EIF4G3: variants seen among roughly 807,000 people sequenced by gnomAD.
EIF4G3 encodes the protein eukaryotic translation initiation factor 4 gamma 3.
EIF4G3 carries 34 observed loss-of-function variants against 186.4 expected under a neutral mutation model. The ratio of observed to expected loss-of-function variants is 0.18; its 90% CI spans 0.14 to 0.24. The LOEUF is 0.24. Ranked by LOEUF, EIF4G3 falls within the 10% of genes least tolerant of loss-of-function variation. The pLI is 1.00. For missense variants in EIF4G3, 1,536 were observed against 1,948.5 expected, an observed-to-expected ratio of 0.79 and a Z score of 3.99; for synonymous variants, 673 against 679.5, an observed-to-expected ratio of 0.99 and a Z score of 0.15.
intron 34 of EIF4G3, among the ~76,000 whole-genome samples, chr1:20,814,589 C>T (rs1322030009): frequency 6.6e-6 from 1 of 152,118 alleles, no homozygotes; most frequent in African/African-American, 2.4e-5. Flanking sequence ...ACTATTTTTA[C>T]ATGTGCCAAC....
At chr1:20,994,322 G>A (rs2081796619) in intron 7 of EIF4G3, among the ~76,000 whole-genome samples, 1 of 152,082 alleles carries the variant, frequency 6.6e-6, no homozygotes, top group South Asian at 2.1e-4. Flanking sequence ...AGTTAGCCCT[G>A]CTCAGCTATG....
chr1:21,110,501 C>T (rs1009730602), intron 2 of EIF4G3, among the ~76,000 whole-genome samples: 3 of 152,022 alleles, frequency 2.0e-5, no homozygotes, highest in African/African-American at 7.2e-5. Flanking sequence ...CACCATGTTA[C>T]CCAGCCTGAT....
At chr1:21,035,927 A>G (rs1456410939) in intron 4 of EIF4G3, among the ~76,000 whole-genome samples, 4 of 152,158 alleles carry the variant, frequency 2.6e-5, no homozygotes, top group African/African-American at 9.7e-5. Context: ...GGCCCATAAA[A>G]GCCTCAGGCT....
At chr1:21,133,776 C>T (rs1009968882) in intron 2 of EIF4G3, among the ~76,000 whole-genome samples, 1 of 152,158 alleles carries the variant, frequency 6.6e-6, no homozygotes, top group African/African-American at 2.4e-5. Flanking sequence ...ATATCTGATA[C>T]ACTAAGACAG....
At chr1:20,871,725 A>G (rs1469626874) in intron 20 of EIF4G3, among the ~76,000 whole-genome samples, 1 of 152,168 alleles carries the variant, frequency 6.6e-6, no homozygotes, top group Non-Finnish European at 1.5e-5. Flanking sequence ...TGAAACACAT[A>G]CTAACAGCTC....
intron 2 of EIF4G3, among the ~76,000 whole-genome samples, chr1:21,110,012 T>C (rs2096692235): frequency 6.6e-6 from 1 of 152,160 alleles, no homozygotes; most frequent in Non-Finnish European, 1.5e-5. Flanking sequence ...GGTCTCAAAC[T>C]CTTGACCTCA....
chr1:20,962,765 G>GT (rs1184050988), intron 12 of EIF4G3, among the ~76,000 whole-genome samples: 1 of 152,152 alleles, frequency 6.6e-6, no homozygotes, highest in African/African-American at 2.4e-5. Flanking sequence ...GATGATTAGT[G>GT]TCACAGGGTA....
Position 21,108,769 on chromosome 1 carries a change from G to A in EIF4G3, c.-271-19556C>T, listed in dbSNP as rs551628368. On this transcript the variant is annotated intron_variant, in intron 2 of 36. Transcript: ENST00000602326. ...AATACAAAAATTAGCTGGGTGTGGT[G>A]ACACATGCCTGTAATCCCAGCTACT... is the stretch of plus-strand genomic sequence containing the variant. Among the ~76,000 whole-genome samples, 120 of 152,066 alleles carry A rather than the reference G, an allele frequency of 7.9e-4. 1 individual carries two copies. Among genetic ancestry groups the A allele is most frequent in the African/African-American group, 2.6e-3 (106 of 41,476 alleles).
intron 24 of EIF4G3, among the ~76,000 whole-genome samples, chr1:20,859,875 G>C (rs913550471): frequency 1.3e-5 from 2 of 152,208 alleles, no homozygotes; most frequent in South Asian, 4.1e-4. Context: ...TTACAGGCAT[G>C]AGCCACTGCG....
chr1:20,968,377 A>C (rs903849281), intron 12 of EIF4G3, among the ~76,000 whole-genome samples: 6 of 152,032 alleles, frequency 3.9e-5, no homozygotes. Flanking sequence ...ATGGGGTTTC[A>C]CCATGTTGGC....
rs556165183 is a variant in EIF4G3, at chr1:20,974,794, T to C, written c.494-1695A>G. On this transcript the variant is annotated intron_variant, in intron 10 of 36. Coordinates refer to ENST00000602326, the MANE Select transcript of EIF4G3 (RefSeq NM_001391906.1). ...GGGAAAGAAAGAATTGCTAGAGTAA[T>C]AGCCTTAAATGGGTACAGGATGGGA... is the stretch of plus-strand genomic sequence containing the variant. 2.6e-5 allele frequency among the ~76,000 whole-genome samples: 4 copies of C among 152,218 alleles called. No homozygotes were observed. In the East Asian group the frequency reaches 7.7e-4, roughly 29 times the overall value.
intron 14 of EIF4G3, among the ~76,000 whole-genome samples, chr1:20,922,674 T>A (rs1007742169): frequency 1.3e-5 from 2 of 152,260 alleles, no homozygotes; most frequent in Non-Finnish European, 2.9e-5. Context: ...GGCTTTTACC[T>A]TTTGGTCAAC....
intron 7 of EIF4G3, among the ~76,000 whole-genome samples, chr1:20,986,894 T>C (rs1293743949): frequency 6.6e-6 from 1 of 152,148 alleles, no homozygotes; most frequent in Non-Finnish European, 1.5e-5. Context: ...TCAATCTGTT[T>C]TACTTCTTTC....
intron 33 of EIF4G3, among the ~76,000 whole-genome samples, chr1:20,818,280 AT>A (rs2154545560): frequency 6.6e-6 from 1 of 152,284 alleles, no homozygotes; most frequent in African/African-American, 2.4e-5. Flanking sequence ...AGTTGTGGCC[AT>A]TTCGAATATA....
At chr1:21,149,272 A>G (rs1573360721) in intron 2 of EIF4G3, among the ~76,000 whole-genome samples, 2 of 152,210 alleles carry the variant, frequency 1.3e-5, no homozygotes, top group South Asian at 4.1e-4. Context: ...ACATATATAA[A>G]CAAAAAATTC....
chr1:21,171,628 A>C (rs1176480741), intron 2 of EIF4G3, among the ~76,000 whole-genome samples: 1 of 152,220 alleles, frequency 6.6e-6, no homozygotes, highest in Non-Finnish European at 1.5e-5. Context: ...GACAAAGAAA[A>C]CATTAACTGG....
chr1:21,153,930 T>C (rs923207743), intron 2 of EIF4G3, among the ~76,000 whole-genome samples: 1 of 152,070 alleles, frequency 6.6e-6, no homozygotes, highest in Admixed American at 6.6e-5. Flanking sequence ...GTGGTTTACA[T>C]TGCTGAACAT....
chr1:20,866,448 G>A (rs1557991111), intron 20 of EIF4G3, among the ~76,000 whole-genome samples: 1 of 152,086 alleles, frequency 6.6e-6, no homozygotes, highest in Admixed American at 6.5e-5. Context: ...TAGGAAGAGG[G>A]GAACATTTTC....
rs139496587 is a variant in EIF4G3 at position 20,867,750 on chromosome 1, A to G, written c.2623-2488T>C. ...AAGCAAAGTTAGCTCACTAAGCAAT[A>G]AAGAGAAAATCACAAAATGCAAGAG... On this transcript the variant is annotated intron_variant, in intron 20 of 36. Transcript: ENST00000602326. Among the ~76,000 whole-genome samples the G allele has an allele frequency of 6.8e-3, 1,042 of 152,354 alleles. 14 individuals are homozygous for G. Among genetic ancestry groups the G allele is most frequent in the African/African-American group, 0.023 (960 of 41,588 alleles).
Sources: allele counts gnomAD v4.1 joint callset (sites outside exome capture counted in the v4.1 genomes callset), GRCh38; gene constraint gnomAD v4.1.1; transcripts MANE v1.5; gene names NCBI Gene and HGNC (gene_info 2026-07-23, HGNC 2026-07-21).